The following GASK1A variants were observed in gnomAD, a reference collection of about 807,000 sequenced individuals.
GASK1A encodes golgi associated kinase 1A.
GASK1A carries 40 observed loss-of-function variants against 41.2 expected under a neutral mutation model. The observed-to-expected ratio is 0.97, with a 90% CI of 0.75 to 1.27. The LOEUF (loss-of-function observed/expected upper bound fraction) is 1.27, where lower values mean the gene tolerates loss of function less well. Ranked by LOEUF, GASK1A falls within the 50% of genes most tolerant of loss-of-function variation. The pLI, the probability that GASK1A is intolerant of heterozygous loss-of-function variation, is 0.00. For missense variants in GASK1A, 678 were observed against 745.1 expected (o/e 0.91, Z 1.05); for synonymous variants, 316 against 307.1 (o/e 1.03, Z -0.30).
intron 3 of GASK1A, chr3:43,054,122 A>C: frequency 3.6e-6 from 1 of 274,036 alleles, no homozygotes; most frequent in South Asian, 3.9e-5. Flanking sequence ...GGTGGGAAGC[A>C]ATGTGCCGAG....
At chr3:43,021,215 C>T (rs2089521038) in intron 1 of GASK1A, among the ~76,000 whole-genome samples, 1 of 152,194 alleles carries the variant, frequency 6.6e-6, no homozygotes, top group African/African-American at 2.4e-5. Context: ...CCATTCTTGT[C>T]AGAATCTGTC....
chr3:43,018,040 A>C (rs888300928), intron 1 of GASK1A, among the ~76,000 whole-genome samples: 9 of 152,176 alleles, frequency 5.9e-5, no homozygotes, highest in African/African-American at 2.2e-4. Flanking sequence ...GGTCACGGGA[A>C]GTGGCTGTAT....
In GASK1A at chr3:42,984,821, G is replaced by A. The variant is rs2089300484; in HGVS notation, c.3+5176G>A. 6.6e-6 allele frequency among the ~76,000 whole-genome samples: 1 copy of A among 152,152 alleles called. No homozygotes were observed. ...TGCAGGGGAGTGAGCAAGCAGGTGG[G>A]GGTCTCCGTGACTTGCTTTGGTGCC... On this transcript the variant is annotated intron_variant, in intron 1 of 4. Coordinates refer to ENST00000430121, the MANE Select transcript of GASK1A (RefSeq NM_001129908.3). The surrounding 1 kb of genome is among the most constrained non-coding windows in gnomAD (Gnocchi z 4.2).
intron 1 of GASK1A, among the ~76,000 whole-genome samples, chr3:43,021,521 T>G (rs2089522087): frequency 6.6e-6 from 1 of 152,168 alleles, no homozygotes; most frequent in South Asian, 2.1e-4. Flanking sequence ...AAGAGGAGTA[T>G]TTTCAGACCC....
intron 2 of GASK1A, among the ~76,000 whole-genome samples, chr3:43,039,214 T>TG (rs1559406228): frequency 4.0e-5 from 6 of 149,664 alleles, no homozygotes; most frequent in Admixed American, 2.6e-4. Flanking sequence ...GGTTTTTTTT[T>TG]TTTTTTGAGA....
intron 2 of GASK1A, among the ~76,000 whole-genome samples, chr3:43,039,539 T>C (rs2089625029): frequency 6.6e-6 from 1 of 152,202 alleles, no homozygotes; most frequent in African/African-American, 2.4e-5. Flanking sequence ...TAAACTTGTA[T>C]GTTCAGGGGT....
chr3:43,007,772 G>A (rs1411194202), intron 1 of GASK1A, among the ~76,000 whole-genome samples: 4 of 152,208 alleles, frequency 2.6e-5, no homozygotes, highest in Admixed American at 6.5e-5. Flanking sequence ...GAGAATAGCA[G>A]GTGCTTAGTC....
chr3:43,049,557 G>A (rs915547303), intron 2 of GASK1A, among the ~76,000 whole-genome samples: 7 of 152,056 alleles, frequency 4.6e-5, no homozygotes, highest in Non-Finnish European at 1.0e-4. Context: ...TTGCCAAGCT[G>A]GACCAATCTT....
intron 1 of GASK1A, among the ~76,000 whole-genome samples, chr3:42,981,297 T>G (rs1020974893): frequency 6.6e-6 from 1 of 152,092 alleles, no homozygotes; most frequent in Non-Finnish European, 1.5e-5. Context: ...TGCTTCTCCA[T>G]CTGAATGAAG....
Position 43,033,442 on chromosome 3 carries a change from G to A in GASK1A, c.1179G>A (p.Leu393=), listed in dbSNP as rs1380010053. ...EDQNSLALGW[L]QYQALLAHSC... is the part of the protein sequence containing the mutation. ...AGAACTCTCTGGCCTTGGGCTGGCT[G>A]CAGTATCAGGCCCTGCTGGCACACA... Residue 393 remains leucine, a synonymous_variant, in exon 2 of 5, where the codon CTG becomes CTA. Transcript: ENST00000430121. 1 of 1,551,302 alleles carries A rather than the reference G, an allele frequency of 6.4e-7. No homozygotes were observed. The highest frequency in any genetic ancestry group is 1.4e-5 in the African/African-American group (1 of 73,200).
At chr3:43,037,447 A>G (rs2089609955) in intron 2 of GASK1A, 2 of 785,262 alleles carry the variant, frequency 2.5e-6, no homozygotes, top group Non-Finnish European at 4.2e-6. Context: ...AATAAAGAAG[A>G]GTAAACTTAC....
At position 43,053,577 on chromosome 3, in the gene GASK1A, C is replaced by T. The variant is rs755917867; in HGVS notation, c.1347C>T (p.Pro449=). ...CCGFEPEPSD[P]CVEERLREKC... ...GCTTCGAGCCTGAGCCCTCAGACCC[C>T]TGTGTGGAAGAGAGGCTCCGAGAGA... The change falls in exon 3 of 5, where the codon CCC becomes CCT. Residue 449 remains proline, a synonymous_variant. Coordinates refer to ENST00000430121, the MANE Select transcript of GASK1A (RefSeq NM_001129908.3). 5 of 1,551,618 alleles carry T rather than the reference C, an allele frequency of 3.2e-6. No homozygotes were observed. The highest frequency in any genetic ancestry group is 2.7e-5 in the African/African-American group (2 of 73,060).
intron 2 of GASK1A, among the ~76,000 whole-genome samples, chr3:43,048,650 T>C (rs1375529687): frequency 6.6e-6 from 1 of 152,184 alleles, no homozygotes; most frequent in African/African-American, 2.4e-5. Flanking sequence ...GGGGCTATGA[T>C]ACTTGTACAC....
chr3:43,037,715 A>G (rs1405701908), intron 2 of GASK1A, among the ~76,000 whole-genome samples: 1 of 152,246 alleles, frequency 6.6e-6, no homozygotes, highest in Non-Finnish European at 1.5e-5. Context: ...TGAAGTACAC[A>G]TAAGCTTTAA....
chr3:43,037,614 C>G (rs866293784), intron 2 of GASK1A, among the ~76,000 whole-genome samples: 3 of 145,552 alleles, frequency 2.1e-5, no homozygotes, highest in Non-Finnish European at 4.6e-5. Context: ...TTAAATGATA[C>G]ATTTTTAATT....
In GASK1A at chr3:43,056,572, C is replaced by T; in HGVS notation, c.*186C>T. On this transcript the variant is annotated 3_prime_UTR_variant, in exon 5 of 5. Coordinates refer to ENST00000430121, the MANE Select transcript of GASK1A (RefSeq NM_001129908.3). ...TCAATCTCAAAGCGTCCCTTTCTGCCTTCTCGGCTCTGGCTATTTATTCCC... is the reference window on the plus strand; with the variant it reads ...TCAATCTCAAAGCGTCCCTTTCTGCTTTCTCGGCTCTGGCTATTTATTCCC... The T allele has an allele frequency of 1.8e-6, 1 of 546,262 alleles. No homozygotes were observed. The highest frequency in any genetic ancestry group is 3.3e-6 in the Non-Finnish European group (1 of 307,440). The allele number at this position is 546,262 out of a possible 1,614,324, so 33.8% of individuals were successfully genotyped here. A position where few individuals can be genotyped will look rare whatever the true frequency, so the allele number is the denominator to read the frequency against.
chr3:43,004,748 G>A (rs1559399066), intron 1 of GASK1A, among the ~76,000 whole-genome samples: 1 of 152,202 alleles, frequency 6.6e-6, no homozygotes, highest in East Asian at 1.9e-4. Flanking sequence ...GGTGAGATCA[G>A]TGTTTACATT....
At chr3:43,033,681 C>A in intron 2 of GASK1A, 128 bp downstream of exon 2, 1 of 832,284 alleles carries the variant, frequency 1.2e-6, no homozygotes, top group Non-Finnish European at 1.7e-6. Context: ...GACCACCAAG[C>A]ACCTGCTTTT....
intron 1 of GASK1A, among the ~76,000 whole-genome samples, chr3:43,025,620 A>G (rs2089543270): frequency 6.6e-6 from 1 of 152,178 alleles, no homozygotes; most frequent in African/African-American, 2.4e-5. Context: ...GCTGCACTCG[A>G]TTCACACAAA....
Sources: allele counts gnomAD v4.1 joint callset (sites outside exome capture counted in the v4.1 genomes callset), GRCh38; gene constraint gnomAD v4.1.1; non-coding constraint Gnocchi (gnomAD v3.1); transcripts MANE v1.5; gene names NCBI Gene and HGNC (gene_info 2026-07-23, HGNC 2026-07-21).